The following PDRG1 variants were observed in gnomAD, a reference collection of about 807,000 sequenced individuals.
PDRG1 encodes the protein p53 and DNA damage-regulated protein 1.
A neutral mutation model predicts 18.4 loss-of-function variants in PDRG1; 14 were observed. That is an observed-to-expected ratio of 0.76 (90% CI 0.50 to 1.19). PDRG1 has a LOEUF of 1.19. Ranked by LOEUF, PDRG1 falls within the 50% of genes most tolerant of loss-of-function variation. The pLI, the probability that PDRG1 is intolerant of heterozygous loss-of-function variation, is 0.00. For synonymous variants in PDRG1, 65 were observed against 60.9 expected (o/e 1.07, Z -0.31); for missense variants, 177 against 160.1 (o/e 1.11, Z -0.57).
intron 3 of PDRG1, among the ~76,000 whole-genome samples, chr20:31,948,037 T>C (rs962370070): frequency 3.9e-5 from 6 of 152,216 alleles, no homozygotes; most frequent in African/African-American, 1.2e-4. Context: ...CAATAATCCA[T>C]TTGCAGCCTG....
intron 3 of PDRG1, among the ~76,000 whole-genome samples, chr20:31,947,110 T>C (rs888345279): frequency 1.3e-5 from 2 of 152,246 alleles, no homozygotes; most frequent in African/African-American, 4.8e-5. Flanking sequence ...AAGGGTCTTC[T>C]AGTGTCATGG....
rs1338140545 is a variant in PDRG1 at position 31,952,009 on chromosome 20, C to CG, written c.-49dup. 1.3e-6 allele frequency: 2 copies of CG among 1,493,886 alleles called. No individual in the cohort carries two copies. Among genetic ancestry groups the CG allele is most frequent in the Non-Finnish European group, 1.8e-6 (2 of 1,124,970 alleles). The allele number at this position is 1,493,886 out of a possible 1,614,324, so 92.5% of individuals were successfully genotyped here. A position where few individuals can be genotyped will look rare whatever the true frequency, so the allele number is the denominator to read the frequency against. On this transcript the variant is annotated 5_prime_UTR_variant, in exon 1 of 5. Transcript: ENST00000202017. ...GGCTCTCGCGCGACCCCGGGATCTC[C>CG]GCTTCGACTCCCGCTGCGCACGCGC... is the stretch of plus-strand genomic sequence containing the variant.
At chr20:31,950,247 A>T in intron 2 of PDRG1, 65 bp downstream of exon 2, 1 of 1,223,318 alleles carries the variant, frequency 8.2e-7, no homozygotes, top group Non-Finnish European at 1.2e-6. Context: ...ATCAGGAACA[A>T]GGTAAAGGCC....
chr20:31,946,289 C>T (rs1219207557), intron 4 of PDRG1, among the ~76,000 whole-genome samples: 1 of 152,144 alleles, frequency 6.6e-6, no homozygotes, highest in East Asian at 1.9e-4. Flanking sequence ...GGAAAAGAAA[C>T]TATGACAGGA....
chr20:31,951,810 G>A (rs2064354151), intron 1 of PDRG1, 65 bp downstream of exon 1: 1 of 1,496,214 alleles, frequency 6.7e-7, no homozygotes, highest in Non-Finnish European at 8.9e-7. Context: ...TCAACTCACT[G>A]CGACCCCGCG....
At position 31,945,480 on chromosome 20, in the gene PDRG1, AGCAGGCCATTGTTGGGAAGTGCCTGTT is replaced by A. The variant is rs1303225044; in HGVS notation, c.*300_*326del. On this transcript the variant is annotated 3_prime_UTR_variant, in exon 5 of 5. Transcript: ENST00000202017. ...TTCCTTGCTCAGGGTCCATGTGAAC[AGCAGGCCATTGTTGGGAAGTGCCTGTT>A]GCAGTCATTCTTACACCCCCACAGC... is the stretch of plus-strand genomic sequence containing the variant. The A allele has an allele frequency of 1.7e-5, 4 of 231,784 alleles. No individual in the cohort carries two copies. The highest frequency in any genetic ancestry group is 2.6e-5 in the Non-Finnish European group (3 of 117,564). The allele number at this position is 231,784 out of a possible 1,614,324, so 14.4% of individuals were successfully genotyped here.
chr20:31,950,383 A>T lies in PDRG1; in HGVS notation c.92T>A (p.Val31Glu). The change falls in exon 2 of 5, where the codon GTG (valine) becomes GAG (glutamate). Residue 31 changes from valine (V) to glutamate (E), a missense_variant. Transcript: ENST00000202017. ...CTGATTCCTTTTAGTGTCCAGGTCC[A>T]CAATCTGAAAACCACAGGGACAGGA... ...EEVLADKRQI[V>E]DLDTKRNQNR... The T allele has an allele frequency of 6.2e-7, 1 of 1,610,880 alleles. No individual in the cohort carries two copies. The highest frequency in any genetic ancestry group is 8.5e-7 in the Non-Finnish European group (1 of 1,177,002).
At chr20:31,946,647 C>G in intron 3 of PDRG1, 71 bp from the exon 4 acceptor site, 10 of 1,333,868 alleles carry the variant, frequency 7.5e-6, no homozygotes, top group Non-Finnish European at 1.1e-5. Context: ...AGTGGAGAGG[C>G]CAGCCTCTCC....
At chr20:31,946,705 C>T (rs1159725998) in intron 3 of PDRG1, 129 bp from the exon 4 acceptor site, 4 of 771,560 alleles carry the variant, frequency 5.2e-6, no homozygotes, top group East Asian at 5.0e-5. Context: ...ACATCAGAGG[C>T]CAACTGAGGA....
At chr20:31,948,908 C>T (rs747737687) in intron 2 of PDRG1, 26 bp from the exon 3 acceptor site, 3 of 1,608,932 alleles carry the variant, frequency 1.9e-6, no homozygotes, top group Non-Finnish European at 2.6e-6. Context: ...GTAATTCCTT[C>T]AACAATTTTT....
intron 1 of PDRG1, 82 bp from the exon 2 acceptor site, chr20:31,950,469 C>T (rs2064345434): frequency 9.7e-7 from 1 of 1,032,740 alleles, no homozygotes; most frequent in East Asian, 2.4e-5. Flanking sequence ...GTTGCAGAGG[C>T]AATGCATTAT....
chr20:31,945,983 A>G, intron 4 of PDRG1, 94 bp from the exon 5 acceptor site: 1 of 1,029,620 alleles, frequency 9.7e-7, no homozygotes, highest in Non-Finnish European at 1.5e-6. Context: ...AATGCTGCCA[A>G]ACTCAGCCTG....
At position 31,952,016 on chromosome 20, in the gene PDRG1, A is replaced by T. The variant is rs2064356706; in HGVS notation, c.-55T>A. The stretch of plus-strand genomic sequence containing the variant: ...GCGCGACCCCGGGATCTCCGCTTCG[A>T]CTCCCGCTGCGCACGCGCCGCTCTC... On this transcript the variant is annotated 5_prime_UTR_variant, in exon 1 of 5. Coordinates refer to ENST00000202017, the MANE Select transcript of PDRG1 (RefSeq NM_030815.3). 3.4e-6 allele frequency: 5 copies of T among 1,482,134 alleles called. No individual in the cohort carries two copies. Among genetic ancestry groups the T allele is most frequent in the Non-Finnish European group, 4.5e-6 (5 of 1,118,852 alleles). 91.8% of individuals were successfully genotyped at this position (1,482,134 alleles called of 1,614,324 possible). A position where few individuals can be genotyped will look rare whatever the true frequency, so the allele number is the denominator to read the frequency against.
intron 1 of PDRG1, among the ~76,000 whole-genome samples, chr20:31,951,184 G>A (rs1339639330): frequency 2.0e-5 from 3 of 152,086 alleles, no homozygotes; most frequent in Non-Finnish European, 4.4e-5. Flanking sequence ...AGATGAGAGG[G>A]AGTCACGACT....
At chr20:31,951,759 C>A (rs887467817) in intron 1 of PDRG1, 116 bp downstream of exon 1, 11 of 1,124,286 alleles carry the variant, frequency 9.8e-6, no homozygotes, top group Non-Finnish European at 1.2e-5. Flanking sequence ...TATTTATCGG[C>A]CCAGGTCTGT....
At chr20:31,951,774 T>G in intron 1 of PDRG1, 101 bp downstream of exon 1, 1 of 1,294,378 alleles carries the variant, frequency 7.7e-7, no homozygotes, top group African/African-American at 1.5e-5. Context: ...GTCTGTCGCC[T>G]CGGAGCCGTT....
chr20:31,951,772 C>T (rs548638950), intron 1 of PDRG1, 103 bp downstream of exon 1: 1 of 1,268,698 alleles, frequency 7.9e-7, no homozygotes, highest in East Asian at 2.7e-5. Context: ...AGGTCTGTCG[C>T]CTCGGAGCCG....
At chr20:31,948,323 C>G (rs747938383) in intron 3 of PDRG1, among the ~76,000 whole-genome samples, 6 of 152,184 alleles carry the variant, frequency 3.9e-5, no homozygotes, top group Non-Finnish European at 7.4e-5. Context: ...AGGCAAAGCT[C>G]TATGTGGCGA....
In PDRG1 at chr20:31,948,788, C is replaced by T; in HGVS notation, c.238+20G>A. 1 of 1,609,038 alleles carries T rather than the reference C, an allele frequency of 6.2e-7. No homozygotes were observed. Among genetic ancestry groups the T allele is most frequent in the Non-Finnish European group, 8.5e-7 (1 of 1,176,604 alleles). ...GTGGGAGAGGCAGCACACCCCTGACCCATCCCCAGGAGGCCTTACCTTTTT... is the reference window on the plus strand; with the variant it reads ...GTGGGAGAGGCAGCACACCCCTGACTCATCCCCAGGAGGCCTTACCTTTTT... On this transcript the variant is annotated intron_variant, in intron 3 of 4. Coordinates refer to ENST00000202017, the MANE Select transcript of PDRG1 (RefSeq NM_030815.3).
Sources: gnomAD v4.1 joint callset for allele counts (sites outside exome capture counted in the v4.1 genomes callset) on GRCh38, gnomAD v4.1.1 for gene constraint, MANE v1.5 for transcripts, NCBI Gene and HGNC (gene_info 2026-07-23, HGNC 2026-07-21) for gene names.